Variants in KLK11 observed in about 807,000 individuals in gnomAD.
KLK11 encodes kallikrein-11.
Under a neutral mutation model 23.4 loss-of-function variants are expected in KLK11, and 10 were observed. That is an observed-to-expected ratio of 0.43 (90% confidence interval 0.26 to 0.73). The LOEUF (loss-of-function observed/expected upper bound fraction) is 0.73, where lower values mean the gene tolerates loss of function less well. KLK11 is among the 30% of genes least tolerant of loss of function. KLK11 has a pLI of 0.22. For synonymous variants in KLK11, 131 were observed against 131.7 expected, an observed-to-expected ratio of 0.99 and a Z score of 0.03; for missense variants, 285 against 327.8, an observed-to-expected ratio of 0.87 and a Z score of 1.01.
chr19:51,026,373 G>C (rs371133812), intron 1 of KLK11, among the ~76,000 whole-genome samples, 165 bp downstream of exon 1: 1 of 152,036 alleles, frequency 6.6e-6, no homozygotes, highest in African/African-American at 2.4e-5. Flanking sequence ...CTGAGGCTGC[G>C]GACAGCCATC....
At chr19:51,023,384 C>CCT in intron 4 of KLK11, 156 bp from the exon 5 acceptor site, 3 of 483,260 alleles carry the variant, frequency 6.2e-6, no homozygotes, top group Non-Finnish European at 3.4e-6. Context: ...TGCTATCCAG[C>CCT]TTTTTTTTTT....
chr19:51,026,687 T>C, upstream of KLK11: 1 of 794,506 alleles, frequency 1.3e-6, no homozygotes, highest in African/African-American at 1.9e-5. Flanking sequence ...CCAGGATGAC[T>C]GGCCTCCAAG....
rs1439536875 is a variant in KLK11 at position 51,024,553 on chromosome 19, C to T, written c.197+85G>A. 7.2e-7 allele frequency: 1 copy of T among 1,380,642 alleles called. No individual in the cohort carries two copies. The highest frequency in any genetic ancestry group is 2.5e-5 in the East Asian group (1 of 39,456). 85.5% of individuals were successfully genotyped at this position (1,380,642 alleles called of 1,614,324 possible). ...CCATCCCCATCTCTAATCCCCTTAC[C>T]AGCACCCCTATCCCTGAGCTTCTCT... On this transcript the variant is annotated intron_variant, in intron 3 of 5. Transcript: ENST00000453757. This position sits in a 1 kb window ranked among gnomAD's most constrained non-coding sequence, Gnocchi z 6.2.
rs1373861930 is a variant in KLK11 at position 51,024,946 on chromosome 19, G to A, written c.41-152C>T. On this transcript the variant is annotated intron_variant, in intron 2 of 5. Transcript: ENST00000453757. This position sits in a 1 kb window ranked among gnomAD's most constrained non-coding sequence, Gnocchi z 6.2. ...CTGGGTTGCCCTGGATGCTGGGGTC[G>A]GGTATTAAAGGATGAAAATACTTCC... The A allele has an allele frequency of 2.2e-5, 14 of 641,222 alleles. 1 individual carries two copies. In the East Asian group the frequency reaches 3.3e-4, roughly 15 times the overall value. The allele number at this position is 641,222 out of a possible 1,614,324, so 39.7% of individuals were successfully genotyped here.
intron 4 of KLK11, chr19:51,023,648 G>T (rs918454158): frequency 2.3e-5 from 5 of 217,552 alleles, no homozygotes; most frequent in African/African-American, 1.2e-4. Context: ...GCCTCCCAAA[G>T]TGCTGGGATT....
Position 51,025,949 on chromosome 19 carries a change from C to T in KLK11, c.-35-283G>A, listed in dbSNP as rs1052538708. ...TTGGGAGGGGCTTTGAGCTGTCAAG[C>T]CATGGTTCGGCCCTGTTCAAGTCAG... is the stretch of plus-strand genomic sequence containing the variant. On this transcript the variant is annotated intron_variant, in intron 1 of 5. Transcript: ENST00000453757. The surrounding 1 kb of genome is among the most constrained non-coding windows in gnomAD (Gnocchi z 6.2). 3 of 293,664 alleles carry T rather than the reference C, an allele frequency of 1.0e-5. No individual in the cohort carries two copies. Among genetic ancestry groups the T allele is most frequent in the African/African-American group, 6.5e-5 (3 of 45,950 alleles). 18.2% of individuals were successfully genotyped at this position (293,664 alleles called of 1,614,324 possible). A position where few individuals can be genotyped will look rare whatever the true frequency, so the allele number is the denominator to read the frequency against.
chr19:51,027,322 G>A (rs2091501198), upstream of KLK11: 7 of 897,206 alleles, frequency 7.8e-6, no homozygotes, highest in East Asian at 1.2e-4. Flanking sequence ...TGTGGAAGCC[G>A]AGTCCAGGAA....
At chr19:51,022,992 G>A in intron 5 of KLK11, 100 bp downstream of exon 5, 2 of 1,319,320 alleles carry the variant, frequency 1.5e-6, no homozygotes, top group Non-Finnish European at 2.1e-6. Context: ...GGAGTTGCAG[G>A]GGTCGGCGGG....
upstream of KLK11, chr19:51,026,668 T>G: frequency 1.1e-6 from 1 of 903,012 alleles, no homozygotes; most frequent in Non-Finnish European, 1.3e-6. Context: ...GGGGCGGCCC[T>G]GGGCGGGCCC....
In KLK11 at chr19:51,024,470, C is replaced by G. The variant is rs1456931618; in HGVS notation, c.198-160G>C. ...TTCCCAGCCATAGCCCCATCCCAAC[C>G]CCATTCATCCCCCCACCTTCAATAC... On this transcript the variant is annotated intron_variant, in intron 3 of 5. Coordinates refer to ENST00000453757, the MANE Select transcript of KLK11 (RefSeq NM_001136032.3). This position sits in a 1 kb window ranked among gnomAD's most constrained non-coding sequence, Gnocchi z 6.2. 7.7e-7 allele frequency: 1 copy of G among 1,299,736 alleles called. No individual in the cohort carries two copies. The highest frequency in any genetic ancestry group is 1.5e-5 in the South Asian group (1 of 67,494). The allele number at this position is 1,299,736 out of a possible 1,614,324, so 80.5% of individuals were successfully genotyped here. A position where few individuals can be genotyped will look rare whatever the true frequency, so the allele number is the denominator to read the frequency against.
chr19:51,022,661 GAGACTGGTTACAGACC>G lies in KLK11; in HGVS notation c.621_636del (p.Val208PhefsTer35). ...TGGCCCCAGGAGATAATGCCTTGAA[GAGACTGGTTACAGACC>G]AGAGGGCCCCCGGAGTCACCCTGGG... is the stretch of plus-strand genomic sequence containing the variant. On this transcript the variant is annotated frameshift_variant, in exon 6 of 6. Transcript: ENST00000453757. LOFTEE classifies it low-confidence loss of function (END_TRUNC). The G allele has an allele frequency of 6.2e-7, 1 of 1,613,396 alleles. No individual in the cohort carries two copies. The highest frequency in any genetic ancestry group is 8.5e-7 in the Non-Finnish European group (1 of 1,180,034).
chr19:51,024,407 T>A lies in KLK11; in HGVS notation c.198-97A>T. On this transcript the variant is annotated intron_variant, in intron 3 of 5. Coordinates refer to ENST00000453757, the MANE Select transcript of KLK11 (RefSeq NM_001136032.3). This position sits in a 1 kb window ranked among gnomAD's most constrained non-coding sequence, Gnocchi z 6.2. ...CTTTGAGGATGAAGAAACATCGCTC[T>A]GCTTCCAACCTCTTCCACGTCTCCC... is the stretch of plus-strand genomic sequence containing the variant. 1.3e-6 allele frequency: 2 copies of A among 1,541,978 alleles called. No homozygotes were observed. Among genetic ancestry groups the A allele is most frequent in the South Asian group, 2.4e-5 (2 of 82,764 alleles).
chr19:51,023,101 G>C lies in KLK11; in HGVS notation c.591C>G (p.Asp197Glu), dbSNP rs1451444402. The part of the protein sequence containing the change: ...VCASVQEGGK[D>E]SCQGDSGGPL... ...TGGAGACCACACTGACCTGGCAGGA[G>C]TCCTTGCCCCCTTCCTGCACGCTGG... is the stretch of plus-strand genomic sequence containing the variant. Residue 197 changes from aspartate (D) to glutamate (E), a missense_variant, in exon 5 of 6, where the codon GAC (aspartate) becomes GAG (glutamate). Transcript: ENST00000453757. 7 of 1,608,270 alleles carry C rather than the reference G, an allele frequency of 4.4e-6. No homozygotes were observed. Among genetic ancestry groups the C allele is most frequent in the Non-Finnish European group, 5.9e-6 (7 of 1,177,488 alleles).
intron 4 of KLK11, 82 bp from the exon 5 acceptor site, chr19:51,023,310 GGGGGAA>G: frequency 6.5e-7 from 1 of 1,532,352 alleles, no homozygotes; most frequent in South Asian, 1.2e-5. Flanking sequence ...TCCCGCCCCT[GGGGGAA>G]TCCCTGTCCT....
rs2091475962 is a variant in KLK11 at position 51,025,737 on chromosome 19, C to T, written c.-35-71G>A. On this transcript the variant is annotated intron_variant, in intron 1 of 5. Coordinates refer to ENST00000453757, the MANE Select transcript of KLK11 (RefSeq NM_001136032.3). This position sits in a 1 kb window ranked among gnomAD's most constrained non-coding sequence, Gnocchi z 6.2. Reference sequence around the variant, plus strand: ...TCGGGAGGGGGGGGCTGGCTCATGCCCTCTCCTCTCTCCCTCACCTGCTCC... The same window carrying T: ...TCGGGAGGGGGGGGCTGGCTCATGCTCTCTCCTCTCTCCCTCACCTGCTCC... The T allele has an allele frequency of 3.2e-6, 2 of 628,190 alleles. No individual in the cohort carries two copies. Among genetic ancestry groups the T allele is most frequent in the Non-Finnish European group, 2.8e-6 (1 of 358,340 alleles). 38.9% of individuals were successfully genotyped at this position (628,190 alleles called of 1,614,324 possible).
Position 51,025,950 on chromosome 19 carries a change from C to A in KLK11, c.-35-284G>T, listed in dbSNP as rs912700385. The A allele has an allele frequency of 3.1e-5, 9 of 293,438 alleles. No individual in the cohort carries two copies. The highest frequency in any genetic ancestry group is 5.7e-5 in the Non-Finnish European group (9 of 158,478). 18.2% of individuals were successfully genotyped at this position (293,438 alleles called of 1,614,324 possible). Reference sequence around the variant, plus strand: ...TGGGAGGGGCTTTGAGCTGTCAAGCCATGGTTCGGCCCTGTTCAAGTCAGC... The same window carrying A: ...TGGGAGGGGCTTTGAGCTGTCAAGCAATGGTTCGGCCCTGTTCAAGTCAGC... On this transcript the variant is annotated intron_variant, in intron 1 of 5. Coordinates refer to ENST00000453757, the MANE Select transcript of KLK11 (RefSeq NM_001136032.3). The surrounding 1 kb of genome is among the most constrained non-coding windows in gnomAD (Gnocchi z 6.2).
upstream of KLK11, chr19:51,027,224 GA>G (rs577178989): frequency 8.0e-5 from 43 of 540,664 alleles, no homozygotes; most frequent in South Asian, 7.6e-4. Context: ...TTTGCAAGGA[GA>G]GGGGGGGTGT....
At chr19:51,027,309 G>A (rs2091501088), upstream of KLK11, 2 of 793,800 alleles carry the variant, frequency 2.5e-6, no homozygotes, top group Admixed American at 2.0e-5. Context: ...GCAGGTCAGG[G>A]CCTGTGGAAG....
In KLK11 at chr19:51,024,034, G is replaced by T; in HGVS notation, c.463+11C>A. The T allele has an allele frequency of 6.6e-7, 1 of 1,514,410 alleles. No homozygotes were observed. Among genetic ancestry groups the T allele is most frequent in the Non-Finnish European group, 8.9e-7 (1 of 1,126,244 alleles). 93.8% of individuals were successfully genotyped at this position (1,514,410 alleles called of 1,614,324 possible). A position where few individuals can be genotyped will look rare whatever the true frequency, so the allele number is the denominator to read the frequency against. ...ACCACCCCCTGCCAGGTTCCCCTCT[G>T]GTGCTCCTACACTGGGGGCTGGACG... is the stretch of plus-strand genomic sequence containing the variant. On this transcript the variant is annotated intron_variant, in intron 4 of 5. Transcript: ENST00000453757. This position sits in a 1 kb window ranked among gnomAD's most constrained non-coding sequence, Gnocchi z 6.2.
Sources: gnomAD v4.1 joint callset for allele counts (sites outside exome capture counted in the v4.1 genomes callset) on GRCh38, gnomAD v4.1.1 for gene constraint, Gnocchi (gnomAD v3.1) non-coding constraint, MANE v1.5 for transcripts, NCBI Gene and HGNC (gene_info 2026-07-23, HGNC 2026-07-21) for gene names.